The following EXOC6B variants were observed in gnomAD, a reference collection of about 807,000 sequenced individuals.
EXOC6B encodes the protein exocyst complex component 6B, also known as SEC15 homolog B.
EXOC6B carries 54 observed loss-of-function variants against 113.5 expected under a neutral mutation model. That is an observed-to-expected ratio of 0.48 (90% CI 0.38 to 0.60). EXOC6B has a LOEUF of 0.60. Ranked by LOEUF, EXOC6B falls within the 20% of genes least tolerant of loss-of-function variation. The pLI is 0.00. For missense variants in EXOC6B, 797 were observed against 977.5 expected, an observed-to-expected ratio of 0.82 and a Z score of 2.46; for synonymous variants, 357 against 339.0, an observed-to-expected ratio of 1.05 and a Z score of -0.58.
intron 1 of EXOC6B, among the ~76,000 whole-genome samples, chr2:72,766,320 G>C (rs913693867): frequency 2.0e-5 from 3 of 152,104 alleles, no homozygotes; most frequent in Non-Finnish European, 4.4e-5. Flanking sequence ...TTCACTTAAG[G>C]AAGAAAACAC....
At chr2:72,583,390 C>G (rs1440158381) in intron 6 of EXOC6B, among the ~76,000 whole-genome samples, 1 of 152,150 alleles carries the variant, frequency 6.6e-6, no homozygotes, top group Non-Finnish European at 1.5e-5. Context: ...TGAACATCAT[C>G]AAGGCATATA....
chr2:72,726,638 G>A (rs1442357957), intron 5 of EXOC6B, among the ~76,000 whole-genome samples: 1 of 151,956 alleles, frequency 6.6e-6, no homozygotes, highest in African/African-American at 2.4e-5. Flanking sequence ...TGTTGTCATA[G>A]GTCTTATGAC....
At chr2:72,757,025 T>G (rs373641662) in intron 1 of EXOC6B, among the ~76,000 whole-genome samples, 1 of 152,292 alleles carries the variant, frequency 6.6e-6, no homozygotes, top group African/African-American at 2.4e-5. Context: ...ATGATGCAAT[T>G]CTGAATTTTT....
chr2:72,694,894 T>C (rs1236190228), intron 6 of EXOC6B, among the ~76,000 whole-genome samples: 1 of 152,216 alleles, frequency 6.6e-6, no homozygotes, highest in African/African-American at 2.4e-5. Context: ...GAGCCCTCCA[T>C]TTTAATCAGT....
chr2:72,619,682 A>G (rs1266453287), intron 6 of EXOC6B, among the ~76,000 whole-genome samples: 2 of 152,280 alleles, frequency 1.3e-5, no homozygotes, highest in South Asian at 2.1e-4. Context: ...GGAAATCTGG[A>G]AGCCCTGAAT....
chr2:72,711,366 T>C (rs1679262293), intron 6 of EXOC6B, among the ~76,000 whole-genome samples: 1 of 152,124 alleles, frequency 6.6e-6, no homozygotes, highest in Non-Finnish European at 1.5e-5. Context: ...GTCCACTAAA[T>C]GCTTCAATCT....
At chr2:72,410,947 T>C (rs1694139978) in intron 18 of EXOC6B, among the ~76,000 whole-genome samples, 1 of 152,136 alleles carries the variant, frequency 6.6e-6, no homozygotes, top group African/African-American at 2.4e-5. Context: ...AGTGACTCAT[T>C]CCTATAGCCC....
At chr2:72,750,447 T>C (rs560783478) in intron 1 of EXOC6B, among the ~76,000 whole-genome samples, 1 of 152,220 alleles carries the variant, frequency 6.6e-6, no homozygotes, top group Admixed American at 6.5e-5. Flanking sequence ...TTCTATTTTA[T>C]AGCCATACAG....
intron 15 of EXOC6B, among the ~76,000 whole-genome samples, chr2:72,493,319 T>TCCTCC (rs1339020473): frequency 3.5e-5 from 4 of 114,928 alleles, no homozygotes; most frequent in Admixed American, 1.6e-4. Context: ...TCTGTTTTTC[T>TCCTCC]CCCCCCCCCC....
chr2:72,510,214 A>G (rs1359305018), intron 11 of EXOC6B, among the ~76,000 whole-genome samples: 2 of 152,208 alleles, frequency 1.3e-5, no homozygotes, highest in Non-Finnish European at 2.9e-5. Flanking sequence ...GTTTTTAAAC[A>G]TAACTTTCTG....
intron 6 of EXOC6B, among the ~76,000 whole-genome samples, chr2:72,699,725 A>G (rs1678170353): frequency 6.6e-6 from 1 of 152,192 alleles, no homozygotes; most frequent in Non-Finnish European, 1.5e-5. Context: ...ATGTTATAGT[A>G]CTGAAAAACA....
chr2:72,773,115 A>ATTTTTTTTTTT (rs1683493598), intron 1 of EXOC6B, among the ~76,000 whole-genome samples: 2 of 118,258 alleles, frequency 1.7e-5, no homozygotes, highest in African/African-American at 7.4e-5. Context: ...TAGACCTTAG[A>ATTTTTTTTTTT]TTTTCTTTTT....
At chr2:72,789,489 A>T (rs1684558198) in intron 1 of EXOC6B, among the ~76,000 whole-genome samples, 1 of 152,220 alleles carries the variant, frequency 6.6e-6, no homozygotes, top group African/African-American at 2.4e-5. Flanking sequence ...ATGTGAATTA[A>T]TAATAGTCTC....
intron 6 of EXOC6B, among the ~76,000 whole-genome samples, chr2:72,635,565 G>A (rs1414214292): frequency 1.3e-5 from 2 of 152,120 alleles, no homozygotes; most frequent in Non-Finnish European, 2.9e-5. Context: ...TGGATTTACT[G>A]AAAAATCTCC....
chr2:72,636,882 T>C (rs1289592281), intron 6 of EXOC6B, among the ~76,000 whole-genome samples: 1 of 151,950 alleles, frequency 6.6e-6, no homozygotes, highest in African/African-American at 2.4e-5. Flanking sequence ...CTGTCTCTAT[T>C]TACAAATGAT....
intron 20 of EXOC6B, among the ~76,000 whole-genome samples, chr2:72,257,846 G>A (rs541527871): frequency 3.0e-4 from 45 of 152,264 alleles, no homozygotes; most frequent in African/African-American, 9.6e-4. Flanking sequence ...GGGTCACATG[G>A]TCCCAGACAG....
At chr2:72,361,292 T>C in intron 19 of EXOC6B, among the ~76,000 whole-genome samples, 1 of 152,218 alleles carries the variant, frequency 6.6e-6, no homozygotes, top group East Asian at 1.9e-4. Context: ...AAGCTTGATT[T>C]AATGTAGTAA....
At chr2:72,681,475 G>C (rs79334085) in intron 6 of EXOC6B, among the ~76,000 whole-genome samples, 5,649 of 152,194 alleles carry the variant, frequency 0.037, 328 homozygotes, top group African/African-American at 0.13. Context: ...CACAAAACCT[G>C]ATATAATAAG....
intron 6 of EXOC6B, among the ~76,000 whole-genome samples, chr2:72,661,325 C>T: frequency 6.7e-6 from 1 of 148,826 alleles, no homozygotes; most frequent in East Asian, 2.0e-4. Flanking sequence ...ATTGTCCGTA[C>T]TCACAGATAA....
Sources: allele counts gnomAD v4.1 joint callset (sites outside exome capture counted in the v4.1 genomes callset), GRCh38; gene constraint gnomAD v4.1.1; transcripts MANE v1.5; gene names NCBI Gene and HGNC (gene_info 2026-07-23, HGNC 2026-07-21).